CTTNBP2: variants seen among roughly 807,000 people sequenced by gnomAD.
CTTNBP2 encodes the protein cortactin-binding protein 2.
CTTNBP2 carries 108 observed loss-of-function variants against 156.9 expected under a neutral mutation model. That is an observed-to-expected ratio of 0.69 (90% confidence interval 0.59 to 0.81). The LOEUF (loss-of-function observed/expected upper bound fraction) is 0.81. Among genes scored for constraint, CTTNBP2 ranks in the 30% least tolerant of loss-of-function variants. The pLI is 0.00. For missense variants in CTTNBP2, 1,924 were observed against 2,035.4 expected (o/e 0.95, Z 1.05); for synonymous variants, 767 against 751.8 (o/e 1.02, Z -0.33).
In CTTNBP2 at chr7:117,792,796, C is replaced by T. The variant is rs766551675; in HGVS notation, c.415-15G>A. ...TCCATTTCCAGCTGAAAGAAATTCACAGGAAAACCCTGATTAATATACAGA... is the reference window on the plus strand; with the variant it reads ...TCCATTTCCAGCTGAAAGAAATTCATAGGAAAACCCTGATTAATATACAGA... On this transcript the variant is annotated splice_polypyrimidine_tract_variant and intron_variant, in intron 3 of 22. Coordinates refer to ENST00000160373, the MANE Select transcript of CTTNBP2 (RefSeq NM_033427.3). The surrounding 1 kb of genome is among the most constrained non-coding windows in gnomAD (Gnocchi z 4.2). 6.6e-7 allele frequency: 1 copy of T among 1,507,284 alleles called. No homozygotes were observed. The highest frequency in any genetic ancestry group is 2.3e-5 in the Admixed American group (1 of 43,342). The allele number at this position is 1,507,284 out of a possible 1,614,324, so 93.4% of individuals were successfully genotyped here. A position where few individuals can be genotyped will look rare whatever the true frequency, so the allele number is the denominator to read the frequency against.
chr7:117,812,464 A>G (rs1028522036), intron 2 of CTTNBP2, among the ~76,000 whole-genome samples: 6 of 152,030 alleles, frequency 3.9e-5, no homozygotes, highest in African/African-American at 1.4e-4. Flanking sequence ...CAGCAAGCCA[A>G]CAACTAGATA....
At chr7:117,833,152 C>G (rs1200231175) in intron 2 of CTTNBP2, among the ~76,000 whole-genome samples, 2 of 152,148 alleles carry the variant, frequency 1.3e-5, no homozygotes, top group East Asian at 3.9e-4. Context: ...CAAACAGAGG[C>G]AGTCCCTACA....
At chr7:117,807,709 C>T (rs1220794765) in intron 3 of CTTNBP2, among the ~76,000 whole-genome samples, 1 of 152,262 alleles carries the variant, frequency 6.6e-6, no homozygotes, top group African/African-American at 2.4e-5. Context: ...GGATCTGGAG[C>T]AGTGAGGGCA....
chr7:117,746,122 G>A (rs1168393211), intron 12 of CTTNBP2, 23 bp from the exon 13 acceptor site: 1 of 1,562,694 alleles, frequency 6.4e-7, no homozygotes, highest in East Asian at 2.2e-5. Context: ...CAAGTAGAGA[G>A]CTAGGGTGAA....
intron 3 of CTTNBP2, among the ~76,000 whole-genome samples, chr7:117,795,794 T>C (rs569033101): frequency 6.6e-6 from 1 of 152,302 alleles, no homozygotes; most frequent in African/African-American, 2.4e-5. Context: ...GTAAATCCTA[T>C]CTCAAACTAA....
chr7:117,821,814 T>A (rs559266664), intron 2 of CTTNBP2, among the ~76,000 whole-genome samples: 2 of 152,140 alleles, frequency 1.3e-5, no homozygotes, highest in African/African-American at 4.8e-5. Context: ...ATGGTCTCGA[T>A]CTCCTGACCT....
intron 5 of CTTNBP2, among the ~76,000 whole-genome samples, chr7:117,783,342 A>G (rs181813363): frequency 6.6e-6 from 1 of 152,324 alleles, no homozygotes; most frequent in East Asian, 1.9e-4. Context: ...AAATTCATTT[A>G]CCAAACGGAA....
At position 117,718,070 on chromosome 7, in the gene CTTNBP2, T is replaced by G. The variant is rs1175372578; in HGVS notation, c.4694A>C (p.Asn1565Thr). 3 of 1,613,602 alleles carry G rather than the reference T, an allele frequency of 1.9e-6. No homozygotes were observed. In the Admixed American group the frequency reaches 5.0e-5, roughly 27 times the overall value. Residue 1565 changes from asparagine (N) to threonine (T), a missense_variant, in exon 22 of 23, where the codon AAC (asparagine) becomes ACC (threonine). Transcript: ENST00000160373. ...ATTAATAGTTGCTGAAAGTACAGGG[T>G]TGTTTCCAGAACTATCAAACATCCT... ...DLRMFDSSGN[N>T]PVLSATINNL...
intron 2 of CTTNBP2, among the ~76,000 whole-genome samples, chr7:117,824,223 A>G (rs1801146332): frequency 6.6e-6 from 1 of 151,672 alleles, no homozygotes; most frequent in African/African-American, 2.4e-5. Flanking sequence ...TTCTTACCTT[A>G]AAATACATAA....
At chr7:117,763,783 C>T (rs1055924754) in intron 9 of CTTNBP2, among the ~76,000 whole-genome samples, 10 of 151,828 alleles carry the variant, frequency 6.6e-5, no homozygotes, top group Admixed American at 3.3e-4. Flanking sequence ...GTTGCCCAGA[C>T]TGGTCTTGAA....
At chr7:117,755,516 C>T in intron 12 of CTTNBP2, 1 of 469,900 alleles carries the variant, frequency 2.1e-6, no homozygotes, top group South Asian at 1.6e-5. Flanking sequence ...ATCCTGGCTT[C>T]ATCACTTGCT....
At chr7:117,724,890 A>G (rs1192012830) in intron 18 of CTTNBP2, among the ~76,000 whole-genome samples, 158 bp from the exon 19 acceptor site, 1 of 152,270 alleles carries the variant, frequency 6.6e-6, no homozygotes, top group Admixed American at 6.5e-5. Context: ...TTGGAGGTCT[A>G]GAATTCAAAC....
chr7:117,830,491 C>A (rs1372840664), intron 2 of CTTNBP2, among the ~76,000 whole-genome samples: 1 of 152,174 alleles, frequency 6.6e-6, no homozygotes, highest in African/African-American at 2.4e-5. Flanking sequence ...AACATCAATG[C>A]GTCTGGCATT....
At chr7:117,815,558 A>C (rs1042209546) in intron 2 of CTTNBP2, among the ~76,000 whole-genome samples, 3 of 152,190 alleles carry the variant, frequency 2.0e-5, no homozygotes, top group Admixed American at 6.5e-5. Flanking sequence ...ACTTTCGGTG[A>C]CTTGGAAATT....
chr7:117,711,291 TA>T lies in CTTNBP2; in HGVS notation c.*245del, dbSNP rs1794039100. The T allele has an allele frequency of 1.7e-5, 7 of 413,786 alleles. No homozygotes were observed. The Admixed American group carries it at 3.0e-4, about 18-fold the overall frequency. The allele number at this position is 413,786 out of a possible 1,614,324, so 25.6% of individuals were successfully genotyped here. A position where few individuals can be genotyped will look rare whatever the true frequency, so the allele number is the denominator to read the frequency against. On this transcript the variant is annotated 3_prime_UTR_variant, in exon 23 of 23. Coordinates refer to ENST00000160373, the MANE Select transcript of CTTNBP2 (RefSeq NM_033427.3). ...TAAAACTATTACAATTTTTCTATTA[TA>T]AAACTACTTGAAAAGTTGGCATAAC...
intron 2 of CTTNBP2, among the ~76,000 whole-genome samples, chr7:117,847,943 C>G (rs375241752): frequency 2.0e-5 from 3 of 150,962 alleles, no homozygotes; most frequent in Non-Finnish European, 1.5e-5. Context: ...CTCAGCCTCC[C>G]GACTAGCTGG....
chr7:117,831,840 G>A (rs1350501091), intron 2 of CTTNBP2, among the ~76,000 whole-genome samples: 2 of 152,050 alleles, frequency 1.3e-5, no homozygotes, highest in Non-Finnish European at 2.9e-5. Context: ...TCAACGTTCT[G>A]CTCTCAACCT....
At chr7:117,836,980 G>A (rs994550227) in intron 2 of CTTNBP2, among the ~76,000 whole-genome samples, 3 of 152,200 alleles carry the variant, frequency 2.0e-5, no homozygotes, top group African/African-American at 7.2e-5. Context: ...TGGGGATACA[G>A]CCAAACCATA....
intron 19 of CTTNBP2, among the ~76,000 whole-genome samples, chr7:117,723,752 CT>C (rs35193550): frequency 0.095 from 12,686 of 133,388 alleles, 710 homozygotes; most frequent in African/African-American, 0.23. Flanking sequence ...ACGGCAGGAT[CT>C]TTTTTTTTTT....
Sources: allele counts gnomAD v4.1 joint callset (sites outside exome capture counted in the v4.1 genomes callset), GRCh38; gene constraint gnomAD v4.1.1; non-coding constraint Gnocchi (gnomAD v3.1); transcripts MANE v1.5; gene names NCBI Gene and HGNC (gene_info 2026-07-23, HGNC 2026-07-21).